The following SDK1 variants were observed in gnomAD, a reference collection of about 807,000 sequenced individuals.
The protein encoded by SDK1 is sidekick cell adhesion molecule 1.
In SDK1, 157 loss-of-function variants were observed where a neutral mutation model predicts 245.5. That is an observed-to-expected ratio of 0.64 (90% CI 0.56 to 0.73). The LOEUF (loss-of-function observed/expected upper bound fraction) is 0.73, where lower values mean the gene tolerates loss of function less well. Ranked by LOEUF, SDK1 falls within the 30% of genes least tolerant of loss-of-function variation. The probability of loss-of-function intolerance (pLI) is 0.00; values close to 1 mark genes in which losing one functional copy is unlikely to be tolerated. For synonymous variants in SDK1, 1,647 were observed against 1,278.5 expected (o/e 1.29, Z -6.15); for missense variants, 3,583 against 3,002.3 (o/e 1.19, Z -4.52).
intron 1 of SDK1, among the ~76,000 whole-genome samples, chr7:3,538,169 G>C (rs1272210259): frequency 6.6e-6 from 1 of 152,130 alleles, no homozygotes; most frequent in African/African-American, 2.4e-5. Flanking sequence ...TAGGTGGATG[G>C]GGTGGGGCAG....
intron 1 of SDK1, among the ~76,000 whole-genome samples, chr7:3,566,151 G>A (rs1461215588): frequency 1.3e-5 from 2 of 150,864 alleles, no homozygotes; most frequent in Non-Finnish European, 1.5e-5. Flanking sequence ...AAAGGTGTCA[G>A]TTCTTCACAA....
chr7:4,091,865 G>C lies in SDK1; in HGVS notation c.3324+12281G>C, dbSNP rs187447529. Among the ~76,000 whole-genome samples, 517 of 152,168 alleles carry C rather than the reference G, an allele frequency of 3.4e-3. 3 individuals are homozygous for C. Among genetic ancestry groups the C allele is most frequent in the South Asian group, 0.031 (151 of 4,818 alleles). On this transcript the variant is annotated intron_variant, in intron 22 of 44. Coordinates refer to ENST00000404826, the MANE Select transcript of SDK1 (RefSeq NM_152744.4). ...CCCCCTCTTCTCATTCTTAATGCCG[G>C]AATTCTGGCCACACGTTCTTCTGGG...
chr7:3,856,481 TAAAA>T (rs34024559), intron 5 of SDK1, among the ~76,000 whole-genome samples: 4 of 119,196 alleles, frequency 3.4e-5, no homozygotes, highest in Non-Finnish European at 1.7e-5. Flanking sequence ...CAGGTAATGT[TAAAA>T]AAAAAAAAAA....
chr7:3,628,634 A>G (rs922304930), intron 2 of SDK1, among the ~76,000 whole-genome samples: 1 of 152,202 alleles, frequency 6.6e-6, no homozygotes, highest in African/African-American at 2.4e-5. Context: ...ACTATTGTCT[A>G]ATTCTATGGC....
chr7:4,164,473 G>A (rs1018693980), intron 32 of SDK1, among the ~76,000 whole-genome samples: 1 of 152,210 alleles, frequency 6.6e-6, no homozygotes, highest in Non-Finnish European at 1.5e-5. Flanking sequence ...CATTCAAAAT[G>A]GAAATGCAAA....
intron 17 of SDK1, among the ~76,000 whole-genome samples, chr7:4,038,407 G>A (rs1583906114): frequency 6.6e-6 from 1 of 151,884 alleles, no homozygotes; most frequent in Non-Finnish European, 1.5e-5. Context: ...CTTAAATAGT[G>A]TTCAAAGCAT....
At chr7:3,503,360 C>G (rs17133485) in intron 1 of SDK1, among the ~76,000 whole-genome samples, 14,199 of 152,146 alleles carry the variant, frequency 0.093, 931 homozygotes, top group African/African-American at 0.18. Context: ...ACACCTTACA[C>G]AACTGTGAAC....
At chr7:4,162,411 ATT>A (rs1781208280) in intron 32 of SDK1, among the ~76,000 whole-genome samples, 1 of 138,354 alleles carries the variant, frequency 7.2e-6, no homozygotes, top group South Asian at 2.2e-4. Flanking sequence ...TATTATTATT[ATT>A]ATTTTGGGAC....
chr7:3,576,708 C>T (rs1051204647), intron 1 of SDK1, among the ~76,000 whole-genome samples: 8 of 152,036 alleles, frequency 5.3e-5, no homozygotes, highest in Non-Finnish European at 8.8e-5. Context: ...TGCATTTTGC[C>T]TGTGTTGAGC....
At chr7:3,590,021 G>C (rs757546223) in intron 1 of SDK1, among the ~76,000 whole-genome samples, 1 of 152,188 alleles carries the variant, frequency 6.6e-6, no homozygotes, top group Admixed American at 6.5e-5. Flanking sequence ...CAGGATATAC[G>C]TGAGAGTTAC....
intron 1 of SDK1, chr7:3,338,102 A>G (rs1780250316): frequency 5.2e-6 from 1 of 191,720 alleles, no homozygotes; most frequent in Admixed American, 5.8e-5. Flanking sequence ...GCTGGAACCA[A>G]CCATCTTCTG....
At chr7:3,352,263 GT>G (rs58484846) in intron 1 of SDK1, among the ~76,000 whole-genome samples, 39 of 146,702 alleles carry the variant, frequency 2.7e-4, no homozygotes, top group South Asian at 4.4e-4. Flanking sequence ...GATTTGGGAG[GT>G]TTTTTTTTTG....
chr7:3,959,743 C>T (rs1006223150), intron 8 of SDK1, among the ~76,000 whole-genome samples: 9 of 152,298 alleles, frequency 5.9e-5, no homozygotes, highest in African/African-American at 2.2e-4. Flanking sequence ...GCAAAAGACA[C>T]CCTTTTATTC....
chr7:4,078,423 C>A (rs1319993167), intron 21 of SDK1, among the ~76,000 whole-genome samples: 1 of 152,074 alleles, frequency 6.6e-6, no homozygotes, highest in Non-Finnish European at 1.5e-5. Context: ...ATTTCAAATT[C>A]ATTAAAAACT....
At chr7:3,596,684 A>G (rs754963962) in intron 1 of SDK1, among the ~76,000 whole-genome samples, 12 of 152,176 alleles carry the variant, frequency 7.9e-5, no homozygotes, top group Non-Finnish European at 1.8e-4. Context: ...CTTGAATTTC[A>G]TATGAAGGAA....
At chr7:3,727,487 G>A (rs546772167) in intron 4 of SDK1, among the ~76,000 whole-genome samples, 6 of 152,112 alleles carry the variant, frequency 3.9e-5, no homozygotes, top group African/African-American at 1.4e-4. Context: ...TTTTTGCCAG[G>A]GAGAGAATTT....
chr7:4,175,709 G>A lies in SDK1; in HGVS notation c.4937-66G>A, dbSNP rs116346768. 3.1e-4 allele frequency: 413 copies of A among 1,330,494 alleles called. No homozygotes were observed. The African/African-American group carries it at 4.9e-3, about 16-fold the overall frequency. The allele number at this position is 1,330,494 out of a possible 1,614,324, so 82.4% of individuals were successfully genotyped here. A position where few individuals can be genotyped will look rare whatever the true frequency, so the allele number is the denominator to read the frequency against. ...GGCACCTGTCTCCCTTGTTCCTGCC[G>A]CACATCACCTGCGATGGCCGTGTCC... is the stretch of plus-strand genomic sequence containing the variant. On this transcript the variant is annotated intron_variant, in intron 33 of 44. Coordinates refer to ENST00000404826, the MANE Select transcript of SDK1 (RefSeq NM_152744.4).
At chr7:3,718,565 A>G (rs544491720) in intron 4 of SDK1, among the ~76,000 whole-genome samples, 1 of 143,194 alleles carries the variant, frequency 7.0e-6, no homozygotes, top group Non-Finnish European at 1.5e-5. Context: ...ATAAATAAAT[A>G]AATAAATAAA....
intron 1 of SDK1, among the ~76,000 whole-genome samples, chr7:3,546,431 A>T (rs948391367): frequency 3.3e-5 from 5 of 152,210 alleles, no homozygotes; most frequent in Non-Finnish European, 7.3e-5. Flanking sequence ...AGCCGTTTTT[A>T]AAAAAATAAG....
Sources: gnomAD v4.1 joint callset for allele counts (sites outside exome capture counted in the v4.1 genomes callset) on GRCh38, gnomAD v4.1.1 for gene constraint, MANE v1.5 for transcripts, NCBI Gene and HGNC (gene_info 2026-07-23, HGNC 2026-07-21) for gene names.